The following SKIC2 variants were observed in gnomAD, a reference collection of about 807,000 sequenced individuals.
SKIC2 encodes the protein SKI2 subunit of superkiller complex.
chr6:31,959,195 G>C, the SKIC2 span: 1 of 1,609,938 alleles, frequency 6.2e-7, no homozygotes, highest in Non-Finnish European at 8.5e-7. Context: ...GCTCCAGGAT[G>C]ATGGAGACAG....
the SKIC2 span, among the ~76,000 whole-genome samples, chr6:31,963,249 C>A: frequency 6.6e-6 from 1 of 152,086 alleles, no homozygotes; most frequent in Non-Finnish European, 1.5e-5. The surrounding 1 kb of genome is among the most constrained non-coding windows in gnomAD (Gnocchi z 5.3). Flanking sequence ...CCCTTTGGGT[C>A]CAGATTACTT....
At chr6:31,967,764 A>G in the SKIC2 span, 1 of 1,612,914 alleles carries the variant, frequency 6.2e-7, no homozygotes, top group African/African-American at 1.3e-5. The surrounding 1 kb of genome is among the most constrained non-coding windows in gnomAD (Gnocchi z 4.9). Flanking sequence ...GTCTTGTGTG[A>G]TAAGCCCTTG....
chr6:31,959,293 G>A, the SKIC2 span: 1 of 1,610,566 alleles, frequency 6.2e-7, no homozygotes, highest in South Asian at 1.1e-5. Context: ...ACCTTTCCCC[G>A]TAGTGCTACC....
At chr6:31,960,851 A>C in the SKIC2 span, 5 of 957,888 alleles carry the variant, frequency 5.2e-6, no homozygotes, top group Non-Finnish European at 8.0e-6. Context: ...TATTCTGTCC[A>C]TAACAACCTT....
the SKIC2 span, chr6:31,969,033 C>T: frequency 6.2e-7 from 1 of 1,612,542 alleles, no homozygotes; most frequent in African/African-American, 1.3e-5. This position sits in a 1 kb window ranked among gnomAD's most constrained non-coding sequence, Gnocchi z 6.1. Context: ...GCTCTCTGGC[C>T]TGGTCTGCCA....
chr6:31,960,098 A>C, the SKIC2 span: 2 of 1,612,982 alleles, frequency 1.2e-6, no homozygotes, highest in Non-Finnish European at 1.7e-6. Context: ...CTGCCTCTGC[A>C]TGGTGTGGAG....
At chr6:31,964,110 C>A in the SKIC2 span, 2 of 1,612,606 alleles carry the variant, frequency 1.2e-6, no homozygotes, top group Non-Finnish European at 1.7e-6. The surrounding 1 kb of genome is among the most constrained non-coding windows in gnomAD (Gnocchi z 5.0). Flanking sequence ...GTGGCTCTGA[C>A]CGCCAGCTGC....
the SKIC2 span, chr6:31,967,484 TC>T: frequency 2.3e-6 from 2 of 880,102 alleles, no homozygotes; most frequent in East Asian, 5.0e-5. The surrounding 1 kb of genome is among the most constrained non-coding windows in gnomAD (Gnocchi z 4.9). Flanking sequence ...GCCCTCATTT[TC>T]CCCTCTTGCC....
At chr6:31,963,507 CA>C in the SKIC2 span, 7 of 1,607,972 alleles carry the variant, frequency 4.4e-6, no homozygotes, top group Non-Finnish European at 5.9e-6. This position sits in a 1 kb window ranked among gnomAD's most constrained non-coding sequence, Gnocchi z 5.3. Context: ...CTCCAAGACC[CA>C]GGGGGAGCTC....
the SKIC2 span, chr6:31,964,218 T>G: frequency 6.2e-7 from 1 of 1,612,086 alleles, no homozygotes; most frequent in South Asian, 1.1e-5. This position sits in a 1 kb window ranked among gnomAD's most constrained non-coding sequence, Gnocchi z 5.0. Context: ...ACCATGGGCC[T>G]CCTCCCACCA....
chr6:31,966,882 A>C, the SKIC2 span: 2 of 1,613,824 alleles, frequency 1.2e-6, no homozygotes, highest in South Asian at 2.2e-5. This position sits in a 1 kb window ranked among gnomAD's most constrained non-coding sequence, Gnocchi z 5.9. Context: ...GTGGAGCAGG[A>C]GGTTGGCCAA....
At chr6:31,966,640 GT>G in the SKIC2 span, 1 of 1,573,100 alleles carries the variant, frequency 6.4e-7, no homozygotes, top group Non-Finnish European at 8.7e-7. The surrounding 1 kb of genome is among the most constrained non-coding windows in gnomAD (Gnocchi z 5.9). Context: ...AGTAGGCCCA[GT>G]CCAGAAGACT....
the SKIC2 span, chr6:31,962,997 T>G: frequency 6.2e-7 from 1 of 1,611,322 alleles, no homozygotes. This position sits in a 1 kb window ranked among gnomAD's most constrained non-coding sequence, Gnocchi z 5.0. Context: ...TGGGGTCGTG[T>G]GGGAGGAGGT....
chr6:31,967,800 C>T, the SKIC2 span: 1 of 1,612,890 alleles, frequency 6.2e-7, no homozygotes, highest in Non-Finnish European at 8.5e-7. The surrounding 1 kb of genome is among the most constrained non-coding windows in gnomAD (Gnocchi z 4.9). Flanking sequence ...GACAGGGGGC[C>T]AGCCACTGCA....
At chr6:31,960,095 T>G in the SKIC2 span, 1 of 1,613,076 alleles carries the variant, frequency 6.2e-7, no homozygotes, top group African/African-American at 1.3e-5. Context: ...TGGCTGCCTC[T>G]GCATGGTGTG....
chr6:31,969,485 C>T, the SKIC2 span: 2 of 1,613,014 alleles, frequency 1.2e-6, no homozygotes, highest in South Asian at 1.1e-5. The surrounding 1 kb of genome is among the most constrained non-coding windows in gnomAD (Gnocchi z 6.1). Context: ...AGGCTGAGTG[C>T]ATCCAGTCCT....
the SKIC2 span, chr6:31,963,919 G>C: frequency 6.2e-7 from 1 of 1,610,262 alleles, no homozygotes; most frequent in Non-Finnish European, 8.5e-7. The surrounding 1 kb of genome is among the most constrained non-coding windows in gnomAD (Gnocchi z 5.3). Context: ...CCAGGACCGC[G>C]GAGTGTACCT....
At chr6:31,969,430 T>C in the SKIC2 span, 1 of 1,614,134 alleles carries the variant, frequency 6.2e-7, no homozygotes, top group Non-Finnish European at 8.5e-7. The surrounding 1 kb of genome is among the most constrained non-coding windows in gnomAD (Gnocchi z 6.1). Flanking sequence ...GGTGAGTACC[T>C]GAGGTTTGGG....
the SKIC2 span, chr6:31,963,351 G>A: frequency 6.9e-7 from 1 of 1,449,582 alleles, no homozygotes; most frequent in Non-Finnish European, 9.2e-7. This position sits in a 1 kb window ranked among gnomAD's most constrained non-coding sequence, Gnocchi z 5.3. Flanking sequence ...AGGGAAGGGG[G>A]TGGGGATGTG....
Sources: gnomAD v4.1 joint callset for allele counts (sites outside exome capture counted in the v4.1 genomes callset) on GRCh38, gnomAD v4.1.1 for gene constraint, Gnocchi (gnomAD v3.1) non-coding constraint, MANE v1.5 for transcripts, NCBI Gene and HGNC (gene_info 2026-07-23, HGNC 2026-07-21) for gene names.